The following PLSCR2 variants were observed in gnomAD, a reference collection of about 807,000 sequenced individuals.
The protein encoded by PLSCR2 is phospholipid scramblase 2.
In PLSCR2, 18 loss-of-function variants were observed where a neutral mutation model predicts 25.3. That is an observed-to-expected ratio of 0.71 (90% CI 0.49 to 1.06). The LOEUF (loss-of-function observed/expected upper bound fraction) is 1.06. Ranked by LOEUF, PLSCR2 falls within the 50% of genes least tolerant of loss-of-function variation. The pLI is 0.00. For synonymous variants in PLSCR2, 88 were observed against 87.3 expected (o/e 1.01, Z -0.04); for missense variants, 243 against 269.5 (o/e 0.90, Z 0.69).
intron 2 of PLSCR2, chr3:146,416,740 A>G (rs1442184966): frequency 3.9e-5 from 6 of 152,240 alleles, no homozygotes; most frequent in Non-Finnish European, 8.8e-5. Context: ...TGGTGTAAAC[A>G]TGATTCATCT....
At chr3:146,402,740 T>C (rs530573399) in intron 2 of PLSCR2, among the ~76,000 whole-genome samples, 2 of 152,274 alleles carry the variant, frequency 1.3e-5, no homozygotes, top group Admixed American at 6.5e-5. Flanking sequence ...AGTGCTGGGA[T>C]TGCAGGCATG....
intron 3 of PLSCR2, among the ~76,000 whole-genome samples, chr3:146,456,544 C>T (rs920236558): frequency 2.6e-5 from 4 of 152,062 alleles, no homozygotes; most frequent in African/African-American, 4.8e-5. Context: ...AACTTACTTG[C>T]GAAAATCTTA....
At chr3:146,404,239 G>T (rs2038575053) in intron 2 of PLSCR2, among the ~76,000 whole-genome samples, 2 of 152,126 alleles carry the variant, frequency 1.3e-5, no homozygotes, top group African/African-American at 2.4e-5. Context: ...GAATTAAAAA[G>T]AAAATTTTAT....
At chr3:146,458,532 T>C (rs1260616535) in intron 2 of PLSCR2, 79 bp from the exon 3 acceptor site, 1 of 1,005,080 alleles carries the variant, frequency 9.9e-7, no homozygotes, top group Admixed American at 3.8e-5. Context: ...TTTTATTTAA[T>C]ACTGCATATA....
intron 2 of PLSCR2, among the ~76,000 whole-genome samples, chr3:146,399,508 T>G (rs1173329841): frequency 6.6e-6 from 1 of 151,824 alleles, no homozygotes; most frequent in Non-Finnish European, 1.5e-5. Flanking sequence ...TATACAAATA[T>G]TCACAAAATA....
At chr3:146,470,761 G>T (rs1363062281) in intron 1 of PLSCR2, among the ~76,000 whole-genome samples, 1 of 152,042 alleles carries the variant, frequency 6.6e-6, no homozygotes, top group African/African-American at 2.4e-5. Flanking sequence ...GAGAAAATAA[G>T]ATAGAAAAAG....
chr3:146,456,867 C>T (rs1021013164), intron 3 of PLSCR2, among the ~76,000 whole-genome samples: 2 of 151,684 alleles, frequency 1.3e-5, no homozygotes, highest in African/African-American at 4.8e-5. Context: ...TCGTATTTTT[C>T]AATGAAGCAC....
chr3:146,412,492 A>G (rs2038887151), intron 2 of PLSCR2, among the ~76,000 whole-genome samples: 1 of 152,108 alleles, frequency 6.6e-6, no homozygotes, highest in African/African-American at 2.4e-5. Flanking sequence ...TTGCAGCATG[A>G]GTTGCACTTG....
intron 1 of PLSCR2, among the ~76,000 whole-genome samples, chr3:146,485,246 C>G (rs1394149285): frequency 6.6e-6 from 1 of 152,046 alleles, no homozygotes; most frequent in African/African-American, 2.4e-5. Flanking sequence ...ACAAAAAGCA[C>G]TAACAATTCT....
intron 1 of PLSCR2, among the ~76,000 whole-genome samples, chr3:146,471,335 G>A (rs530179003): frequency 3.3e-5 from 5 of 152,084 alleles, no homozygotes; most frequent in Admixed American, 1.3e-4. Context: ...AATTCTAAAT[G>A]TTTCCTACTG....
At chr3:146,459,499 G>A (rs1295287610) in intron 2 of PLSCR2, among the ~76,000 whole-genome samples, 2 of 152,118 alleles carry the variant, frequency 1.3e-5, no homozygotes, top group East Asian at 3.9e-4. Context: ...TGATTACAAC[G>A]CTTATACATC....
rs1283356152 is a variant in PLSCR2 at position 146,411,195 on chromosome 3, A to G, written c.101-15274T>C. ...GCCAGAAACTAAGGCTCAGTTCCCC[A>G]GCGTTCTGGGACGTGAACTAAATCA... On this transcript the variant is annotated intron_variant and NMD_transcript_variant, in intron 2 of 3. Coordinates refer to the PLSCR2 transcript ENST00000463633. 2.0e-5 allele frequency among the ~76,000 whole-genome samples: 3 copies of G among 152,190 alleles called. 1 individual carries two copies. The highest frequency in any genetic ancestry group is 4.1e-4 in the South Asian group (2 of 4,830).
At chr3:146,435,136 G>A (rs1473076089) in intron 8 of PLSCR2, among the ~76,000 whole-genome samples, 4 of 152,038 alleles carry the variant, frequency 2.6e-5, no homozygotes, top group Non-Finnish European at 2.9e-5. Context: ...ATTCCATGGT[G>A]TATATGTGCC....
chr3:146,394,296 T>G (rs970555672), intron 3 of PLSCR2, among the ~76,000 whole-genome samples: 7 of 152,102 alleles, frequency 4.6e-5, no homozygotes, highest in Admixed American at 3.3e-4. Context: ...AGATGGAGTT[T>G]CGCTCTTGTT....
chr3:146,489,915 T>C (rs1487824718), intron 1 of PLSCR2, among the ~76,000 whole-genome samples: 1 of 152,082 alleles, frequency 6.6e-6, no homozygotes, highest in African/African-American at 2.4e-5. Flanking sequence ...CTCTACTATA[T>C]TTCTCCCACT....
chr3:146,405,784 G>A (rs961369418), intron 2 of PLSCR2, among the ~76,000 whole-genome samples: 1 of 152,168 alleles, frequency 6.6e-6, no homozygotes, highest in African/African-American at 2.4e-5. Context: ...AGTTCCAGTT[G>A]AACATGCTTT....
chr3:146,463,703 G>A, upstream of PLSCR2: 1 of 204,748 alleles, frequency 4.9e-6, no homozygotes, highest in Middle Eastern at 2.4e-3. Flanking sequence ...CCACTTCTCA[G>A]GCCCACTCCA....
chr3:146,409,041 G>T (rs923054334), intron 2 of PLSCR2, among the ~76,000 whole-genome samples: 6 of 152,164 alleles, frequency 3.9e-5, no homozygotes, highest in Non-Finnish European at 8.8e-5. Context: ...ATCATCCTAG[G>T]TGGGCCAGTG....
At chr3:146,401,769 A>C (rs972951541) in intron 2 of PLSCR2, among the ~76,000 whole-genome samples, 1 of 152,178 alleles carries the variant, frequency 6.6e-6, no homozygotes, top group Non-Finnish European at 1.5e-5. Context: ...TACTGCTAAA[A>C]TTCTATGCAT....
Sources: allele counts gnomAD v4.1 joint callset (sites outside exome capture counted in the v4.1 genomes callset), GRCh38; gene constraint gnomAD v4.1.1; transcripts MANE v1.5; gene names NCBI Gene and HGNC (gene_info 2026-07-23, HGNC 2026-07-21).